OPCML: variants seen among roughly 807,000 people sequenced by gnomAD.
OPCML encodes opioid binding protein/cell adhesion molecule like, also known as opioid-binding protein/cell adhesion molecule.
In OPCML, 13 loss-of-function variants were observed where a neutral mutation model predicts 37.8. The ratio of observed to expected loss-of-function variants is 0.34; its 90% CI spans 0.22 to 0.55. The LOEUF is 0.55. Among genes scored for constraint, OPCML ranks in the 20% least tolerant of loss-of-function variants. OPCML has a pLI of 0.91. For missense variants in OPCML, 341 were observed against 435.6 expected (o/e 0.78, Z 1.93); for synonymous variants, 176 against 168.8 (o/e 1.04, Z -0.33).
intron 3 of OPCML, among the ~76,000 whole-genome samples, chr11:132,559,352 A>G (rs1361483469): frequency 6.6e-6 from 1 of 152,174 alleles, no homozygotes; most frequent in East Asian, 1.9e-4. Flanking sequence ...GGAGGGGTGG[A>G]AGATGAAAGA....
Position 133,136,075 on chromosome 11 carries a change from T to A in OPCML, c.62-193065A>T, listed in dbSNP as rs1029334740. 2.6e-5 allele frequency among the ~76,000 whole-genome samples: 4 copies of A among 152,224 alleles called. No individual in the cohort carries two copies. In the East Asian group the frequency reaches 5.8e-4, roughly 22 times the overall value. On this transcript the variant is annotated intron_variant, in intron 1 of 7. Transcript: ENST00000524381. ...GACCTAAGAATCTAGCTATTTACTATGAGAAACTCATTACTGGCATTTGCA... is the reference window on the plus strand; with the variant it reads ...GACCTAAGAATCTAGCTATTTACTAAGAGAAACTCATTACTGGCATTTGCA...
intron 1 of OPCML, among the ~76,000 whole-genome samples, chr11:132,962,218 A>T (rs1946108077): frequency 6.6e-6 from 1 of 152,204 alleles, no homozygotes; most frequent in South Asian, 2.1e-4. Flanking sequence ...AGGGCCAAGG[A>T]GGCTTCTTGA....
chr11:132,687,948 C>T (rs183978258), intron 2 of OPCML, among the ~76,000 whole-genome samples: 2 of 152,200 alleles, frequency 1.3e-5, no homozygotes, highest in East Asian at 1.9e-4. Context: ...CTATAGAATG[C>T]ACTCCAGGAG....
chr11:132,663,345 A>T (rs1163642985), intron 2 of OPCML, among the ~76,000 whole-genome samples: 1 of 152,214 alleles, frequency 6.6e-6, no homozygotes, highest in East Asian at 1.9e-4. Context: ...ATATGTGGGG[A>T]CATATATGTG....
At chr11:133,154,279 C>G (rs1167899971) in intron 1 of OPCML, among the ~76,000 whole-genome samples, 1 of 151,860 alleles carries the variant, frequency 6.6e-6, no homozygotes, top group African/African-American at 2.4e-5. Context: ...CCTGGCCCCC[C>G]GCAAAAAGCC....
intron 2 of OPCML, among the ~76,000 whole-genome samples, chr11:132,789,801 C>T (rs1937773261): frequency 6.6e-6 from 1 of 152,140 alleles, no homozygotes; most frequent in South Asian, 2.1e-4. Context: ...AGCTAGCCAA[C>T]ATCAGCAATG....
intron 1 of OPCML, among the ~76,000 whole-genome samples, chr11:133,101,332 G>T (rs184556916): frequency 6.6e-6 from 1 of 152,158 alleles, no homozygotes; most frequent in African/African-American, 2.4e-5. Flanking sequence ...ACTCTATCAG[G>T]AGATTGAGAA....
At chr11:132,960,058 A>G (rs1304972991) in intron 1 of OPCML, among the ~76,000 whole-genome samples, 2 of 152,198 alleles carry the variant, frequency 1.3e-5, no homozygotes, top group Non-Finnish European at 2.9e-5. Context: ...CAAAGATTGA[A>G]CTAGGAGGTT....
intron 1 of OPCML, among the ~76,000 whole-genome samples, chr11:133,455,032 A>G (rs1245365417): frequency 6.6e-6 from 1 of 152,144 alleles, no homozygotes; most frequent in Admixed American, 6.5e-5. Flanking sequence ...CCCACTAACT[A>G]ACAATATGTT....
chr11:133,135,439 G>T (rs1949674199), intron 1 of OPCML, among the ~76,000 whole-genome samples: 1 of 79,982 alleles, frequency 1.3e-5, no homozygotes. Context: ...GCCCTCCATA[G>T]GTTTTTTTTT....
intron 2 of OPCML, among the ~76,000 whole-genome samples, chr11:132,844,582 C>T (rs1941440198): frequency 6.6e-6 from 1 of 152,100 alleles, no homozygotes; most frequent in African/African-American, 2.4e-5. Flanking sequence ...ATAATTAGTT[C>T]AGATGAGACA....
At chr11:133,244,616 C>T (rs1204126784) in intron 1 of OPCML, among the ~76,000 whole-genome samples, 1 of 152,058 alleles carries the variant, frequency 6.6e-6, no homozygotes, top group Admixed American at 6.6e-5. Context: ...GGCAGATTTC[C>T]CCCTTGCTGT....
intron 1 of OPCML, among the ~76,000 whole-genome samples, chr11:133,058,232 T>A (rs1158693178): frequency 6.6e-6 from 1 of 152,198 alleles, no homozygotes; most frequent in African/African-American, 2.4e-5. Context: ...TCTTCCTTGG[T>A]TGCGTAAAGA....
At chr11:132,856,925 T>C (rs1942079717) in intron 2 of OPCML, among the ~76,000 whole-genome samples, 1 of 152,222 alleles carries the variant, frequency 6.6e-6, no homozygotes. Context: ...CCTTTGACCC[T>C]GCTCTAAAAC....
rs565591067 is a variant in OPCML at position 132,733,896 on chromosome 11, A to G, written c.147-76577T>C. ...CTGAGAGGGAACATATGAGACAGTC[A>G]AAAGCAGTATCAAGTCAGAGTTAAA... On this transcript the variant is annotated intron_variant, in intron 2 of 7. Coordinates refer to ENST00000524381, the MANE Select transcript of OPCML (RefSeq NM_001012393.5). Among the ~76,000 whole-genome samples, 16 of 152,352 alleles carry G rather than the reference A, an allele frequency of 1.1e-4. No individual in the cohort carries two copies. The South Asian group carries it at 3.3e-3, about 32-fold the overall frequency.
At chr11:132,655,791 T>C (rs1013149761) in intron 3 of OPCML, among the ~76,000 whole-genome samples, 1 of 151,216 alleles carries the variant, frequency 6.6e-6, no homozygotes, top group East Asian at 1.9e-4. Context: ...TGCAAGTGAC[T>C]GAAGCATGAA....
In OPCML at chr11:132,804,358, G is replaced by A. The variant is rs540967806; in HGVS notation, c.146+138568C>T. Among the ~76,000 whole-genome samples the A allele has an allele frequency of 1.2e-4, 18 of 152,266 alleles. No individual in the cohort carries two copies. In the South Asian group the frequency reaches 1.9e-3, roughly 16 times the overall value. On this transcript the variant is annotated intron_variant, in intron 2 of 7. Transcript: ENST00000524381. ...AGCTGGAGATTCTAGAATTTACAAGGTGGCAAACTAGAGAGGAGGCAACTG... is the reference window on the plus strand; with the variant it reads ...AGCTGGAGATTCTAGAATTTACAAGATGGCAAACTAGAGAGGAGGCAACTG...
At position 133,511,500 on chromosome 11, in the gene OPCML, C is replaced by T. The variant is rs552742926; in HGVS notation, c.61+20764G>A. ...AGCCTCACTTGCCTCTTGACTGTTG[C>T]TTGAATAAGCCAGGCAGATTCACTC... On this transcript the variant is annotated intron_variant, in intron 1 of 7. Coordinates refer to ENST00000524381, the MANE Select transcript of OPCML (RefSeq NM_001012393.5). 2.9e-4 allele frequency among the ~76,000 whole-genome samples: 44 copies of T among 151,982 alleles called. 2 individuals carry two copies. The South Asian group carries it at 8.8e-3, about 30-fold the overall frequency.
At chr11:132,784,446 C>A (rs545488549) in intron 2 of OPCML, among the ~76,000 whole-genome samples, 6 of 152,240 alleles carry the variant, frequency 3.9e-5, no homozygotes, top group African/African-American at 1.4e-4. Flanking sequence ...ATTATAAAGC[C>A]CTTCCACTCC....
Sources: allele counts gnomAD v4.1 joint callset (sites outside exome capture counted in the v4.1 genomes callset), GRCh38; gene constraint gnomAD v4.1.1; transcripts MANE v1.5; gene names NCBI Gene and HGNC (gene_info 2026-07-23, HGNC 2026-07-21).